Variants in NFIB observed in about 807,000 individuals in gnomAD.
NFIB encodes the protein nuclear factor 1 B-type.
In NFIB, 11 loss-of-function variants were observed where a neutral mutation model predicts 61.5. The observed-to-expected ratio is 0.18, with a 90% CI of 0.11 to 0.30. The LOEUF is 0.30. Among genes scored for constraint, NFIB ranks in the 10% least tolerant of loss-of-function variants. The pLI is 1.00. For synonymous variants in NFIB, 260 were observed against 216.5 expected, an observed-to-expected ratio of 1.20 and a Z score of -1.76; for missense variants, 471 against 608.9, an observed-to-expected ratio of 0.77 and a Z score of 2.38.
chr9:14,330,429 T>A (rs571084700), intron 1 of NFIB, among the ~76,000 whole-genome samples: 86 of 152,296 alleles, frequency 5.6e-4, no homozygotes, highest in Non-Finnish European at 1.8e-4. Context: ...CATTTTTTTT[T>A]AAATGATTTT....
chr9:14,144,428 T>C lies in NFIB; in HGVS notation c.925+2261A>G, dbSNP rs143091832. 1.7e-3 allele frequency among the ~76,000 whole-genome samples: 263 copies of C among 152,226 alleles called. 2 individuals are homozygous for C. Among genetic ancestry groups the C allele is most frequent in the Middle Eastern group, 3.4e-3 (1 of 294 alleles). Reference sequence around the variant, plus strand: ...CTGACAATGTCAGTAAAACAAGCAATAAAATATAAAGGGTTGAGGGTTTTG... The same window carrying C: ...CTGACAATGTCAGTAAAACAAGCAACAAAATATAAAGGGTTGAGGGTTTTG... On this transcript the variant is annotated intron_variant, in intron 6 of 10. Coordinates refer to ENST00000380953, the MANE Select transcript of NFIB (RefSeq NM_001190737.2).
intron 2 of NFIB, among the ~76,000 whole-genome samples, chr9:14,261,775 A>G (rs2132242014): frequency 6.6e-6 from 1 of 152,332 alleles, no homozygotes; most frequent in African/African-American, 2.4e-5. Flanking sequence ...TTTGTGACAA[A>G]TGTCTGTCCA....
At chr9:14,388,909 G>C (rs1166545898) in intron 1 of NFIB, among the ~76,000 whole-genome samples, 1 of 152,176 alleles carries the variant, frequency 6.6e-6, no homozygotes, top group Non-Finnish European at 1.5e-5. Flanking sequence ...TTTCAAGCCT[G>C]GATGTATATT....
At chr9:14,144,289 C>T (rs2042058158) in intron 6 of NFIB, among the ~76,000 whole-genome samples, 1 of 152,122 alleles carries the variant, frequency 6.6e-6, no homozygotes, top group Admixed American at 6.6e-5. Context: ...TAATAAAGAA[C>T]ACCTACACTT....
intron 2 of NFIB, among the ~76,000 whole-genome samples, chr9:14,181,357 C>G (rs928770165): frequency 2.0e-5 from 3 of 152,130 alleles, no homozygotes; most frequent in Admixed American, 6.6e-5. Flanking sequence ...AGTAAAGAAA[C>G]TAGAAATGAC....
chr9:14,155,493 T>C (rs191451176), intron 4 of NFIB, among the ~76,000 whole-genome samples: 57 of 152,242 alleles, frequency 3.7e-4, no homozygotes, highest in Non-Finnish European at 7.2e-4. Context: ...TGGGTTATCA[T>C]AACAACATAG....
chr9:14,313,780 C>G lies in NFIB; in HGVS notation c.-269G>C. ...AGTCCGAGCGCGCTGGCCGTGCTTG[C>G]CGAGGCCGCCGCCGCCGCCGGTGTT... On this transcript the variant is annotated 5_prime_UTR_variant, in exon 1 of 11. Coordinates refer to ENST00000380953, the MANE Select transcript of NFIB (RefSeq NM_001190737.2). The surrounding 1 kb of genome is among the most constrained non-coding windows in gnomAD (Gnocchi z 4.5). 7.5e-7 allele frequency: 1 copy of G among 1,342,066 alleles called. No individual in the cohort carries two copies. Among genetic ancestry groups the G allele is most frequent in the Non-Finnish European group, 9.5e-7 (1 of 1,047,486 alleles). 83.1% of individuals were successfully genotyped at this position (1,342,066 alleles called of 1,614,324 possible).
intron 2 of NFIB, among the ~76,000 whole-genome samples, chr9:14,287,059 T>C (rs1276567434): frequency 6.6e-6 from 1 of 152,138 alleles, no homozygotes; most frequent in Non-Finnish European, 1.5e-5. Flanking sequence ...ACAGAGGAAC[T>C]GAGAATTTCA....
At chr9:14,104,415 TTC>T (rs1449860254) in intron 10 of NFIB, among the ~76,000 whole-genome samples, 5 of 152,016 alleles carry the variant, frequency 3.3e-5, no homozygotes, top group Admixed American at 2.0e-4. Flanking sequence ...GCAAATTGTC[TTC>T]TGTTTTTTTT....
intron 2 of NFIB, among the ~76,000 whole-genome samples, chr9:14,194,837 C>A (rs887364903): frequency 2.6e-5 from 4 of 152,098 alleles, no homozygotes; most frequent in Admixed American, 1.3e-4. Flanking sequence ...CCAATTTACA[C>A]AAAATATCCA....
intron 1 of NFIB, among the ~76,000 whole-genome samples, chr9:14,355,232 A>C (rs2061161488): frequency 6.6e-6 from 1 of 152,182 alleles, no homozygotes; most frequent in African/African-American, 2.4e-5. Context: ...AGTGGGCCCT[A>C]ATCCAGTATG....
intron 5 of NFIB, among the ~76,000 whole-genome samples, 173 bp downstream of exon 5, chr9:14,149,972 T>G (rs990277628): frequency 3.9e-5 from 6 of 152,226 alleles, no homozygotes; most frequent in Admixed American, 2.6e-4. Flanking sequence ...AACAATTACA[T>G]TTAATTTGTA....
upstream of NFIB, among the ~76,000 whole-genome samples, chr9:14,403,860 C>T (rs2133058349): frequency 6.6e-6 from 1 of 152,238 alleles, no homozygotes; most frequent in East Asian, 1.9e-4. Context: ...AGGAAACAAA[C>T]ACAAATTCTT....
At chr9:14,341,553 A>T (rs1410189259) in intron 1 of NFIB, among the ~76,000 whole-genome samples, 1 of 152,230 alleles carries the variant, frequency 6.6e-6, no homozygotes, top group African/African-American at 2.4e-5. Flanking sequence ...TCCCCAGCAC[A>T]GACTCCAGTG....
chr9:14,403,728 C>T (rs758384723), upstream of NFIB, among the ~76,000 whole-genome samples: 2 of 152,138 alleles, frequency 1.3e-5, no homozygotes, highest in African/African-American at 2.4e-5. Context: ...CTGTATTAGT[C>T]GGTTGTCTTT....
At chr9:14,506,939 G>C in the NFIB span, among the ~76,000 whole-genome samples, 2 of 152,154 alleles carry the variant, frequency 1.3e-5, no homozygotes, top group African/African-American at 4.8e-5. Flanking sequence ...CAACTGTTAG[G>C]CGTGTTTTAA....
At chr9:14,274,304 T>C in intron 2 of NFIB, among the ~76,000 whole-genome samples, 1 of 97,966 alleles carries the variant, frequency 1.0e-5, no homozygotes, top group African/African-American at 4.1e-5. Flanking sequence ...AGACATCCAT[T>C]AATATTAAGA....
rs34910775 is a variant in NFIB at position 14,326,698 on chromosome 9, G to GAAAAAAAAAA, written c.109-19188_109-19179dup. ...CAAGAGCAGGTTAAAGTGGTTTACA[G>GAAAAAAAAAA]AAAAAAAAAAAAAAAAAAGCCTGCA... On this transcript the variant is annotated intron_variant, in intron 1 of 8. Coordinates refer to the NFIB transcript ENST00000380934. Among the ~76,000 whole-genome samples the GAAAAAAAAAA allele has an allele frequency of 1.6e-5, 2 of 125,512 alleles. 1 individual carries two copies. Among genetic ancestry groups the GAAAAAAAAAA allele is most frequent in the African/African-American group, 6.1e-5 (2 of 32,900 alleles). 82.3% of individuals were successfully genotyped at this position (125,512 alleles called of 152,430 possible). A position where few individuals can be genotyped will look rare whatever the true frequency, so the allele number is the denominator to read the frequency against.
the NFIB span, among the ~76,000 whole-genome samples, chr9:14,516,616 GT>G: frequency 1.3e-5 from 2 of 152,088 alleles, no homozygotes; most frequent in Admixed American, 6.5e-5. Context: ...ATCTCTCTTA[GT>G]TTTCTTCCAA....
Sources: gnomAD v4.1 joint callset for allele counts (sites outside exome capture counted in the v4.1 genomes callset) on GRCh38, gnomAD v4.1.1 for gene constraint, Gnocchi (gnomAD v3.1) non-coding constraint, MANE v1.5 for transcripts, NCBI Gene and HGNC (gene_info 2026-07-23, HGNC 2026-07-21) for gene names.